Variants in RAB11FIP2 observed in about 807,000 individuals in gnomAD.
RAB11FIP2 encodes rab11 family-interacting protein 2.
A neutral mutation model predicts 40.9 loss-of-function variants in RAB11FIP2; 16 were observed. That is an observed-to-expected ratio of 0.39 (90% CI 0.26 to 0.59). The LOEUF (loss-of-function observed/expected upper bound fraction) is 0.59. RAB11FIP2 is among the 20% of genes least tolerant of loss of function. The pLI is 0.53. For missense variants in RAB11FIP2, 532 were observed against 606.2 expected (o/e 0.88, Z 1.28); for synonymous variants, 228 against 213.7 (o/e 1.07, Z -0.58).
intron 3 of RAB11FIP2, among the ~76,000 whole-genome samples, chr10:118,026,819 G>C (rs565586758): frequency 6.6e-6 from 1 of 152,222 alleles, no homozygotes; most frequent in South Asian, 2.1e-4. Flanking sequence ...TTAATACAGA[G>C]AATACTTTTA....
intron 3 of RAB11FIP2, among the ~76,000 whole-genome samples, chr10:118,035,216 TC>T (rs1173463403): frequency 6.6e-6 from 1 of 152,096 alleles, no homozygotes; most frequent in African/African-American, 2.4e-5. Flanking sequence ...CTATCACCAT[TC>T]CAGTGAACTC....
chr10:118,036,145 T>C (rs961277937), intron 3 of RAB11FIP2, among the ~76,000 whole-genome samples: 2 of 152,104 alleles, frequency 1.3e-5, no homozygotes, highest in African/African-American at 2.4e-5. Flanking sequence ...TTTAATAATA[T>C]ACATTATTCA....
chr10:118,038,574 A>G (rs951923764), intron 3 of RAB11FIP2, among the ~76,000 whole-genome samples: 9 of 152,108 alleles, frequency 5.9e-5, no homozygotes, highest in African/African-American at 2.2e-4. Context: ...AGAATAGCAC[A>G]TGGGCTGCTG....
At chr10:118,017,384 A>C (rs1240417800) in intron 3 of RAB11FIP2, 2 of 152,228 alleles carry the variant, frequency 1.3e-5, no homozygotes, top group East Asian at 3.8e-4. Flanking sequence ...AAATTTTTAG[A>C]CCTCATAGAG....
In RAB11FIP2 at chr10:118,025,288, G is replaced by A. The variant is rs1054026109; in HGVS notation, c.1266-10178C>T. Among the ~76,000 whole-genome samples the A allele has an allele frequency of 1.6e-4, 25 of 151,994 alleles. 1 individual carries two copies. Among genetic ancestry groups the A allele is most frequent in the Admixed American group, 1.4e-3 (22 of 15,258 alleles). On this transcript the variant is annotated intron_variant, in intron 3 of 4. Coordinates refer to ENST00000355624, the MANE Select transcript of RAB11FIP2 (RefSeq NM_014904.3). ...AGTCAGCTTTTAAAAATGTTTCTGC[G>A]TGAAGAAAAAAAATAAACTATTCAA...
At chr10:118,025,465 G>A (rs546085098) in intron 3 of RAB11FIP2, among the ~76,000 whole-genome samples, 8 of 152,058 alleles carry the variant, frequency 5.3e-5, no homozygotes, top group African/African-American at 9.6e-5. Context: ...GTTTTTGTTC[G>A]GAATCTAAAA....
intron 1 of RAB11FIP2, among the ~76,000 whole-genome samples, chr10:118,043,090 T>C (rs772894769): frequency 1.3e-5 from 2 of 152,144 alleles, no homozygotes; most frequent in African/African-American, 4.8e-5. Context: ...ATGGCCTCTG[T>C]TCAATTTTTA....
chr10:118,027,152 T>C (rs1846352786), intron 3 of RAB11FIP2, among the ~76,000 whole-genome samples: 1 of 152,224 alleles, frequency 6.6e-6, no homozygotes, highest in Admixed American at 6.5e-5. Flanking sequence ...TCAGCACTTT[T>C]TGTACAAGAC....
At chr10:118,021,847 A>G (rs952723142) in intron 3 of RAB11FIP2, among the ~76,000 whole-genome samples, 1 of 152,134 alleles carries the variant, frequency 6.6e-6, no homozygotes, top group Non-Finnish European at 1.5e-5. Flanking sequence ...GAAACACTGG[A>G]TATTTCTTAA....
At chr10:118,021,910 C>T (rs1170802600) in intron 3 of RAB11FIP2, among the ~76,000 whole-genome samples, 1 of 152,188 alleles carries the variant, frequency 6.6e-6, no homozygotes, top group Non-Finnish European at 1.5e-5. Flanking sequence ...ATTCTCTCAC[C>T]ACCAACTACC....
intron 1 of RAB11FIP2, among the ~76,000 whole-genome samples, chr10:118,041,766 G>A (rs943590018): frequency 6.6e-6 from 1 of 152,070 alleles, no homozygotes; most frequent in Non-Finnish European, 1.5e-5. Flanking sequence ...ATAAATACCA[G>A]CTACATCTTT....
In RAB11FIP2 at chr10:118,019,687, G is replaced by A. The variant is rs573418307; in HGVS notation, c.1266-4577C>T. 6.6e-5 allele frequency among the ~76,000 whole-genome samples: 10 copies of A among 152,132 alleles called. No homozygotes were observed. The East Asian group carries it at 9.7e-4, about 15-fold the overall frequency. ...AAATACAAAAAAAAATTAGCCGGGC[G>A]TGGTGGCAGGCGCCTGTAGTCCTAG... On this transcript the variant is annotated intron_variant, in intron 3 of 4. Transcript: ENST00000355624.
chr10:118,029,414 G>C (rs1846386708), intron 3 of RAB11FIP2, among the ~76,000 whole-genome samples: 1 of 152,008 alleles, frequency 6.6e-6, no homozygotes, highest in Non-Finnish European at 1.5e-5. Flanking sequence ...GTCCTCAACA[G>C]CTACTTCATG....
intron 3 of RAB11FIP2, chr10:118,034,121 A>G (rs1437548505): frequency 4.4e-6 from 3 of 688,402 alleles, no homozygotes; most frequent in Admixed American, 4.0e-5. Flanking sequence ...CTACCACCGT[A>G]CACAATTATG....
At chr10:118,045,770 A>G in intron 1 of RAB11FIP2, 41 bp downstream of exon 1, 1 of 1,459,828 alleles carries the variant, frequency 6.9e-7, no homozygotes, top group South Asian at 1.3e-5. Context: ...CATAAATAAG[A>G]TATAAACTCC....
At chr10:118,026,715 C>T (rs1256688043) in intron 3 of RAB11FIP2, among the ~76,000 whole-genome samples, 6 of 152,160 alleles carry the variant, frequency 3.9e-5, no homozygotes, top group African/African-American at 1.4e-4. Context: ...GATATCTATC[C>T]TGCAATATCC....
At chr10:118,036,933 T>G (rs1846488886) in intron 3 of RAB11FIP2, among the ~76,000 whole-genome samples, 1 of 152,064 alleles carries the variant, frequency 6.6e-6, no homozygotes, top group Non-Finnish European at 1.5e-5. Context: ...ACAGGGCAAT[T>G]AAAGATTTGC....
chr10:118,009,175 T>C lies in RAB11FIP2; in HGVS notation c.1362A>G (p.Glu454=). The C allele has an allele frequency of 1.2e-6, 2 of 1,613,594 alleles. No individual in the cohort carries two copies. Among genetic ancestry groups the C allele is most frequent in the Non-Finnish European group, 8.5e-7 (1 of 1,179,566 alleles). The change falls in exon 5 of 5, where the codon GAA becomes GAG. Residue 454 remains glutamate, a synonymous_variant. Coordinates refer to ENST00000355624, the MANE Select transcript of RAB11FIP2 (RefSeq NM_014904.3). ...GTTTCACCAGCTCCTGTAGAACCTC[T>C]TCATAGGTCAGACTACGATACCCTG... ...ATAGYRSLTY[E]EVLQELVKHK...
At position 118,046,805 on chromosome 10, in the gene RAB11FIP2, G is replaced by A. The variant is rs907370610; in HGVS notation, c.-642C>T. ...GGAACGCGGCCGCCCCGGCGCCGGC[G>A]GGACGTGGGGCGGGCAGCGGGCTGC... On this transcript the variant is annotated 5_prime_UTR_variant, in exon 1 of 5. Transcript: ENST00000355624. The A allele has an allele frequency of 7.9e-5, 12 of 152,158 alleles. No individual in the cohort carries two copies. Among genetic ancestry groups the A allele is most frequent in the African/African-American group, 2.7e-4 (11 of 41,390 alleles). The allele number at this position is 152,158 out of a possible 1,614,324, so 9.4% of individuals were successfully genotyped here. A position where few individuals can be genotyped will look rare whatever the true frequency, so the allele number is the denominator to read the frequency against.
Sources: gnomAD v4.1 joint callset for allele counts (sites outside exome capture counted in the v4.1 genomes callset) on GRCh38, gnomAD v4.1.1 for gene constraint, MANE v1.5 for transcripts, NCBI Gene and HGNC (gene_info 2026-07-23, HGNC 2026-07-21) for gene names.